ELOVL6: variants seen among roughly 807,000 people sequenced by gnomAD.
ELOVL6 encodes the protein very long chain fatty acid elongase 6.
In ELOVL6, 8 loss-of-function variants were observed where a neutral mutation model predicts 31.7. That is an observed-to-expected ratio of 0.25 (90% CI 0.15 to 0.45). The LOEUF is 0.45. Among genes scored for constraint, ELOVL6 ranks in the 20% least tolerant of loss-of-function variants. The pLI is 1.00. For synonymous variants in ELOVL6, 101 were observed against 117.7 expected (o/e 0.86, Z 0.92); for missense variants, 126 against 326.4 (o/e 0.39, Z 4.73).
chr4:110,109,234 A>G (rs896948018), intron 1 of ELOVL6, among the ~76,000 whole-genome samples: 1 of 152,170 alleles, frequency 6.6e-6, no homozygotes, highest in Admixed American at 6.5e-5. Flanking sequence ...ATAATCAGTC[A>G]TTTTGAGATA....
intron 1 of ELOVL6, among the ~76,000 whole-genome samples, chr4:110,182,708 A>G (rs1421266806): frequency 1.3e-5 from 2 of 152,164 alleles, no homozygotes; most frequent in Non-Finnish European, 2.9e-5. Context: ...CGGTAGTTCG[A>G]GACCAGCCTG....
intron 1 of ELOVL6, among the ~76,000 whole-genome samples, chr4:110,144,915 C>T (rs555349395): frequency 4.6e-5 from 7 of 152,074 alleles, no homozygotes; most frequent in Non-Finnish European, 7.4e-5. Context: ...CCTTTCTCTT[C>T]TATTGTAGTC....
chr4:110,058,927 C>T (rs1420647338), intron 3 of ELOVL6, among the ~76,000 whole-genome samples: 5 of 152,152 alleles, frequency 3.3e-5, no homozygotes, highest in African/African-American at 1.2e-4. Context: ...AGACATCTTC[C>T]TGGAAAACTG....
At chr4:110,171,411 A>AAAATAAATAAATAAATAAAT (rs59222203) in intron 1 of ELOVL6, among the ~76,000 whole-genome samples, 1 of 146,408 alleles carries the variant, frequency 6.8e-6, no homozygotes, top group Non-Finnish European at 1.5e-5. Context: ...CTCCATCTCA[A>AAAATAAATAAATAAATAAAT]AAATAAATAA....
chr4:110,166,712 T>C (rs1758789135), intron 1 of ELOVL6, among the ~76,000 whole-genome samples: 2 of 152,224 alleles, frequency 1.3e-5, no homozygotes. Context: ...ATGGTTAGCA[T>C]ATAAGACATC....
chr4:110,109,892 TG>T (rs1366359684), intron 1 of ELOVL6, among the ~76,000 whole-genome samples: 1 of 152,220 alleles, frequency 6.6e-6, no homozygotes, highest in Non-Finnish European at 1.5e-5. Flanking sequence ...CGTATCTACA[TG>T]GCCTTCATTA....
intron 1 of ELOVL6, among the ~76,000 whole-genome samples, chr4:110,197,505 G>C (rs2047097313): frequency 6.6e-6 from 1 of 152,172 alleles, no homozygotes; most frequent in Non-Finnish European, 1.5e-5. Flanking sequence ...CACAGAATTA[G>C]AAGTGTGTCC....
At chr4:110,123,366 C>G (rs1423576333) in intron 1 of ELOVL6, among the ~76,000 whole-genome samples, 1 of 152,076 alleles carries the variant, frequency 6.6e-6, no homozygotes, top group Non-Finnish European at 1.5e-5. Flanking sequence ...ATTCATTCAG[C>G]AAGTATTAAT....
chr4:110,166,202 T>C (rs1032989124), intron 1 of ELOVL6, among the ~76,000 whole-genome samples: 1 of 152,226 alleles, frequency 6.6e-6, no homozygotes, highest in Non-Finnish European at 1.5e-5. Context: ...TGACATTATA[T>C]CCCTGATTTT....
intron 1 of ELOVL6, among the ~76,000 whole-genome samples, chr4:110,116,516 T>A (rs1471706468): frequency 1.3e-5 from 2 of 152,222 alleles, no homozygotes; most frequent in Non-Finnish European, 1.5e-5. Context: ...ACTTACTGTA[T>A]CCTTTACAAT....
intron 1 of ELOVL6, among the ~76,000 whole-genome samples, chr4:110,173,728 C>A (rs1392174060): frequency 6.6e-6 from 1 of 150,506 alleles, no homozygotes; most frequent in African/African-American, 2.4e-5. Flanking sequence ...ACTGATTGGT[C>A]CTACTGCTAG....
In ELOVL6 at chr4:110,085,613, T is replaced by A. The variant is rs77517546; in HGVS notation, c.221+19884A>T. Among the ~76,000 whole-genome samples the A allele has an allele frequency of 9.5e-3, 1,448 of 152,272 alleles. 21 individuals carry two copies. The highest frequency in any genetic ancestry group is 0.033 in the African/African-American group (1,375 of 41,540). The stretch of plus-strand genomic sequence containing the variant: ...GTCCCTGGACTCTGGTGAGGGGGCA[T>A]TGGGTGGTATCTAAAGGGGCATATA... On this transcript the variant is annotated intron_variant, in intron 2 of 3. Coordinates refer to ENST00000302274, the MANE Select transcript of ELOVL6 (RefSeq NM_024090.3).
At chr4:110,190,020 T>TCTCC (rs1169427222) in intron 1 of ELOVL6, among the ~76,000 whole-genome samples, 1 of 151,242 alleles carries the variant, frequency 6.6e-6, no homozygotes, top group African/African-American at 2.4e-5. Context: ...AGGAGGTAGA[T>TCTCC]CTCCCTCCCC....
intron 1 of ELOVL6, among the ~76,000 whole-genome samples, chr4:110,187,039 A>C (rs1489475259): frequency 6.6e-6 from 1 of 151,208 alleles, no homozygotes; most frequent in African/African-American, 2.4e-5. Context: ...TATTATAATT[A>C]GCCAATCCTT....
At chr4:110,180,649 T>A (rs1157365636) in intron 1 of ELOVL6, among the ~76,000 whole-genome samples, 1 of 152,242 alleles carries the variant, frequency 6.6e-6, no homozygotes, top group Non-Finnish European at 1.5e-5. Flanking sequence ...GCAATTCTCC[T>A]GGCCTCACGG....
intron 1 of ELOVL6, among the ~76,000 whole-genome samples, chr4:110,186,231 A>G (rs1759435008): frequency 6.6e-6 from 1 of 152,010 alleles, no homozygotes; most frequent in African/African-American, 2.4e-5. Context: ...CAAACAGAAA[A>G]AAAATAAAGT....
At chr4:110,097,839 T>C (rs890821996) in intron 2 of ELOVL6, among the ~76,000 whole-genome samples, 2 of 152,078 alleles carry the variant, frequency 1.3e-5, no homozygotes, top group African/African-American at 4.8e-5. Context: ...TAATTTTACT[T>C]TTAGAAGAAT....
intron 1 of ELOVL6, among the ~76,000 whole-genome samples, chr4:110,161,281 CA>C (rs1480371408): frequency 6.6e-6 from 1 of 152,050 alleles, no homozygotes; most frequent in African/African-American, 2.4e-5. Context: ...GAGTAAGATA[CA>C]AAATGCTATG....
At chr4:110,193,899 G>C (rs1446270134) in intron 1 of ELOVL6, among the ~76,000 whole-genome samples, 1 of 152,186 alleles carries the variant, frequency 6.6e-6, no homozygotes, top group East Asian at 1.9e-4. Flanking sequence ...CAAGCCCTTT[G>C]AAGACGTCAC....
Sources: gnomAD v4.1 joint callset for allele counts (sites outside exome capture counted in the v4.1 genomes callset) on GRCh38, gnomAD v4.1.1 for gene constraint, MANE v1.5 for transcripts, NCBI Gene and HGNC (gene_info 2026-07-23, HGNC 2026-07-21) for gene names.